PELI2: variants seen among roughly 807,000 people sequenced by gnomAD.
PELI2 encodes the protein pellino E3 ubiquitin protein ligase family member 2.
PELI2 carries 23 observed loss-of-function variants against 42.3 expected under a neutral mutation model. The observed-to-expected ratio is 0.54, with a 90% CI of 0.39 to 0.77. The LOEUF is 0.77. Ranked by LOEUF, PELI2 falls within the 30% of genes least tolerant of loss-of-function variation. The pLI is 0.00. For synonymous variants in PELI2, 245 were observed against 212.2 expected, an observed-to-expected ratio of 1.15 and a Z score of -1.34; for missense variants, 463 against 553.2, an observed-to-expected ratio of 0.84 and a Z score of 1.64.
chr14:56,274,924 A>G (rs1184612491), intron 2 of PELI2, among the ~76,000 whole-genome samples: 1 of 152,224 alleles, frequency 6.6e-6, no homozygotes, highest in Admixed American at 6.5e-5. Flanking sequence ...TTATACTGTA[A>G]TAAAGTGGTT....
chr14:56,299,323 A>C lies in PELI2; in HGVS notation c.*2157A>C, dbSNP rs1460254570. 1 of 152,258 alleles carries C rather than the reference A, an allele frequency of 6.6e-6. No homozygotes were observed. Among genetic ancestry groups the C allele is most frequent in the African/African-American group, 2.4e-5 (1 of 41,472 alleles). 9.4% of individuals were successfully genotyped at this position (152,258 alleles called of 1,614,324 possible). A position where few individuals can be genotyped will look rare whatever the true frequency, so the allele number is the denominator to read the frequency against. On this transcript the variant is annotated 3_prime_UTR_variant, in exon 6 of 6. Transcript: ENST00000267460. ...ATCCCCCAAAATGAAGTTACCTTCCAAGTTGGACACGTCCCGTAGTTGGGC... is the reference window on the plus strand; with the variant it reads ...ATCCCCCAAAATGAAGTTACCTTCCCAGTTGGACACGTCCCGTAGTTGGGC...
At chr14:56,145,401 G>A (rs1443377897) in intron 1 of PELI2, among the ~76,000 whole-genome samples, 2 of 152,224 alleles carry the variant, frequency 1.3e-5, no homozygotes, top group South Asian at 2.1e-4. Context: ...CAGCCAGACC[G>A]TATCTCTAGG....
At chr14:56,287,195 T>G (rs1889672860) in intron 3 of PELI2, among the ~76,000 whole-genome samples, 1 of 152,228 alleles carries the variant, frequency 6.6e-6, no homozygotes, top group South Asian at 2.1e-4. Flanking sequence ...GTGAGATGAC[T>G]GGGAAATTCT....
At chr14:56,220,358 A>G (rs1033512961) in intron 2 of PELI2, among the ~76,000 whole-genome samples, 1 of 152,202 alleles carries the variant, frequency 6.6e-6, no homozygotes, top group Non-Finnish European at 1.5e-5. Flanking sequence ...ACTTGGGGAA[A>G]AAAATAAGGG....
chr14:56,198,558 A>G (rs572706028), intron 2 of PELI2, among the ~76,000 whole-genome samples: 130 of 152,296 alleles, frequency 8.5e-4, no homozygotes, highest in African/African-American at 2.9e-3. Context: ...TATGGTGGCT[A>G]AGGCAAATCT....
intron 2 of PELI2, among the ~76,000 whole-genome samples, chr14:56,229,020 C>T (rs911322701): frequency 6.6e-6 from 1 of 152,208 alleles, no homozygotes; most frequent in Non-Finnish European, 1.5e-5. Context: ...AGTCTGAGAT[C>T]GAACTGCAAG....
chr14:56,135,988 C>A (rs1370847469), intron 1 of PELI2, among the ~76,000 whole-genome samples: 1 of 152,146 alleles, frequency 6.6e-6, no homozygotes, highest in Non-Finnish European at 1.5e-5. Flanking sequence ...ATGAGGCTTA[C>A]CTCGTTGATC....
intron 2 of PELI2, among the ~76,000 whole-genome samples, chr14:56,227,136 C>G (rs1288613839): frequency 6.6e-6 from 1 of 152,170 alleles, no homozygotes; most frequent in Non-Finnish European, 1.5e-5. Context: ...TCCAGTTGCT[C>G]AACATTTCAG....
rs370502294 is a variant in PELI2 at position 56,284,068 on chromosome 14, G to T, written c.309+4291G>T. Reference sequence around the variant, plus strand: ...CATTCCCATTAAAATGATTTCTAGGGTTAATTGAGTATTTAAAGGCAGAAT... The same window carrying T: ...CATTCCCATTAAAATGATTTCTAGGTTTAATTGAGTATTTAAAGGCAGAAT... On this transcript the variant is annotated intron_variant, in intron 3 of 5. Transcript: ENST00000267460. Among the ~76,000 whole-genome samples the T allele has an allele frequency of 5.0e-4, 76 of 152,224 alleles. 1 individual carries two copies. Among genetic ancestry groups the T allele is most frequent in the African/African-American group, 1.8e-3 (73 of 41,518 alleles).
At chr14:56,164,119 T>C (rs1884866701) in intron 1 of PELI2, among the ~76,000 whole-genome samples, 1 of 152,234 alleles carries the variant, frequency 6.6e-6, no homozygotes, top group South Asian at 2.1e-4. Flanking sequence ...GCATCGTTGT[T>C]ATGTTCCAGA....
intron 1 of PELI2, among the ~76,000 whole-genome samples, chr14:56,138,512 A>G (rs928376689): frequency 5.9e-5 from 9 of 151,922 alleles, no homozygotes; most frequent in African/African-American, 2.2e-4. Context: ...GTTCTACAGT[A>G]TCTACCTTTA....
intron 3 of PELI2, among the ~76,000 whole-genome samples, chr14:56,284,312 A>G (rs1286680525): frequency 6.6e-6 from 1 of 152,220 alleles, no homozygotes; most frequent in African/African-American, 2.4e-5. Flanking sequence ...GTCTAACAAG[A>G]AAGTGAAACA....
At chr14:56,259,968 C>T (rs1364166235) in intron 2 of PELI2, among the ~76,000 whole-genome samples, 1 of 151,846 alleles carries the variant, frequency 6.6e-6, no homozygotes, top group Non-Finnish European at 1.5e-5. Flanking sequence ...TAAAGAAGAC[C>T]TAAATAAAAT....
intron 5 of PELI2, among the ~76,000 whole-genome samples, chr14:56,295,024 T>C (rs950587690): frequency 6.6e-6 from 1 of 152,170 alleles, no homozygotes; most frequent in Non-Finnish European, 1.5e-5. Context: ...AGCACTGTTC[T>C]ACCCAGACAA....
At chr14:56,268,322 A>G (rs188160602) in intron 2 of PELI2, among the ~76,000 whole-genome samples, 60 of 152,328 alleles carry the variant, frequency 3.9e-4, no homozygotes, top group Admixed American at 9.8e-4. Context: ...AGTAGCTCAT[A>G]TATATGTCAA....
chr14:56,194,025 TAAG>T (rs1321363744), intron 2 of PELI2, among the ~76,000 whole-genome samples: 1 of 152,208 alleles, frequency 6.6e-6, no homozygotes, highest in Non-Finnish European at 1.5e-5. Flanking sequence ...TAATTTGGCT[TAAG>T]AAGTTGATAC....
At chr14:56,231,670 T>C (rs142053310) in intron 2 of PELI2, among the ~76,000 whole-genome samples, 100 of 152,240 alleles carry the variant, frequency 6.6e-4, no homozygotes, top group East Asian at 1.2e-3. Context: ...AGATGTAAAA[T>C]TGACACCCTA....
intron 2 of PELI2, among the ~76,000 whole-genome samples, chr14:56,216,802 T>C (rs1307378548): frequency 2.0e-5 from 3 of 152,236 alleles, no homozygotes; most frequent in Non-Finnish European, 4.4e-5. Context: ...TCAGTTTCTT[T>C]ACTTACCCCG....
chr14:56,227,181 C>G (rs1427810675), intron 2 of PELI2, among the ~76,000 whole-genome samples: 1 of 152,214 alleles, frequency 6.6e-6, no homozygotes, highest in Non-Finnish European at 1.5e-5. Context: ...GGCAAGGTAA[C>G]TGTGTGTGTG....
Sources: gnomAD v4.1 joint callset for allele counts (sites outside exome capture counted in the v4.1 genomes callset) on GRCh38, gnomAD v4.1.1 for gene constraint, MANE v1.5 for transcripts, NCBI Gene and HGNC (gene_info 2026-07-23, HGNC 2026-07-21) for gene names.